Variants in PRKAR1B observed in about 807,000 individuals in gnomAD.
PRKAR1B encodes the protein cAMP-dependent protein kinase type I-beta regulatory subunit.
In PRKAR1B, 22 loss-of-function variants were observed where a neutral mutation model predicts 46.5. The ratio of observed to expected loss-of-function variants is 0.47; its 90% CI spans 0.34 to 0.68. The LOEUF (loss-of-function observed/expected upper bound fraction) is 0.68, where lower values mean the gene tolerates loss of function less well. Among genes scored for constraint, PRKAR1B ranks in the 30% least tolerant of loss-of-function variants. PRKAR1B has a pLI of 0.01. For missense variants in PRKAR1B, 445 were observed against 535.6 expected, an observed-to-expected ratio of 0.83 and a Z score of 1.67; for synonymous variants, 259 against 217.7, an observed-to-expected ratio of 1.19 and a Z score of -1.67.
intron 9 of PRKAR1B, among the ~76,000 whole-genome samples, chr7:577,336 G>A (rs549671817): frequency 8.8e-4 from 134 of 152,282 alleles, no homozygotes; most frequent in Non-Finnish European, 1.4e-3. Flanking sequence ...CCACAGCTGC[G>A]GGTGTTTCGG....
intron 6 of PRKAR1B, among the ~76,000 whole-genome samples, chr7:599,721 C>T (rs1036892697): frequency 6.6e-6 from 1 of 152,262 alleles, no homozygotes; most frequent in Non-Finnish European, 1.5e-5. Context: ...CACTCGCTCA[C>T]CCTCTGTGTT....
intron 4 of PRKAR1B, among the ~76,000 whole-genome samples, chr7:646,704 G>A (rs1038292718): frequency 4.6e-5 from 7 of 152,198 alleles, no homozygotes; most frequent in Non-Finnish European, 8.8e-5. Context: ...GAAATCACAC[G>A]ATGATGAAAT....
chr7:612,072 T>C (rs377015210), intron 4 of PRKAR1B, among the ~76,000 whole-genome samples: 117 of 149,568 alleles, frequency 7.8e-4, no homozygotes, highest in African/African-American at 2.7e-3. Flanking sequence ...GATGGATGGA[T>C]GGACGGACAG....
chr7:595,405 G>A (rs1336076417), intron 7 of PRKAR1B, among the ~76,000 whole-genome samples: 1 of 152,140 alleles, frequency 6.6e-6, no homozygotes, highest in Non-Finnish European at 1.5e-5. Context: ...TCTGGGGCCG[G>A]GTGTTCACGG....
In PRKAR1B at chr7:550,329, C is replaced by T; in HGVS notation, c.*101G>A. On this transcript the variant is annotated 3_prime_UTR_variant, in exon 11 of 11. Transcript: ENST00000537384. The stretch of plus-strand genomic sequence containing the variant: ...CTCACGCTGCCGGGACCCAGCCCCA[C>T]CCGGCCCACACCTCACACAGCGGCT... 8.9e-7 allele frequency: 1 copy of T among 1,117,362 alleles called. No homozygotes were observed. Among genetic ancestry groups the T allele is most frequent in the South Asian group, 1.5e-5 (1 of 67,960 alleles). The allele number at this position is 1,117,362 out of a possible 1,614,324, so 69.2% of individuals were successfully genotyped here.
chr7:570,806 G>A (rs113547090), intron 9 of PRKAR1B, among the ~76,000 whole-genome samples: 293 of 152,050 alleles, frequency 1.9e-3, no homozygotes, highest in African/African-American at 6.9e-3. Flanking sequence ...TTGGACCGCT[G>A]CCTGCAGCCC....
intron 4 of PRKAR1B, among the ~76,000 whole-genome samples, chr7:634,370 C>T (rs182142617): frequency 1.0e-3 from 155 of 151,942 alleles, no homozygotes; most frequent in African/African-American, 3.6e-3. Flanking sequence ...CTCAGCTACT[C>T]GGGAGGCTAA....
At chr7:639,405 TACTC>T (rs566856757) in intron 4 of PRKAR1B, among the ~76,000 whole-genome samples, 143 of 152,322 alleles carry the variant, frequency 9.4e-4, no homozygotes, top group African/African-American at 2.9e-3. Context: ...CTTGGACACT[TACTC>T]ACTCCTCACA....
rs747877714 is a variant in PRKAR1B at position 667,309 on chromosome 7, T to A, written c.440+9920A>T. Among the ~76,000 whole-genome samples the A allele has an allele frequency of 9.9e-5, 15 of 152,168 alleles. No individual in the cohort carries two copies. Among genetic ancestry groups the A allele is most frequent in the Non-Finnish European group, 1.8e-4 (12 of 68,030 alleles). Reference sequence around the variant, plus strand: ...ATTCTCACAACAACCTCAAAGTAGGTTTTATTATCTTCATTTGACACCTGA... The same window carrying A: ...ATTCTCACAACAACCTCAAAGTAGGATTTATTATCTTCATTTGACACCTGA... On this transcript the variant is annotated intron_variant, in intron 4 of 10. Coordinates refer to ENST00000537384, the MANE Select transcript of PRKAR1B (RefSeq NM_001164760.2). This position sits in a 1 kb window ranked among gnomAD's most constrained non-coding sequence, Gnocchi z 4.3.
chr7:642,490 C>G (rs1450732964), intron 4 of PRKAR1B, among the ~76,000 whole-genome samples: 1 of 152,120 alleles, frequency 6.6e-6, no homozygotes, highest in Non-Finnish European at 1.5e-5. Context: ...CTTTGGGGGG[C>G]CGAGGCGGGC....
rs71016891 is a variant in PRKAR1B at position 620,017 on chromosome 7, C to CTTT, written c.441-12568_441-12566dup. Among the ~76,000 whole-genome samples the CTTT allele has an allele frequency of 6.1e-5, 8 of 130,996 alleles. No individual in the cohort carries two copies. The South Asian group carries it at 8.0e-4, about 13-fold the overall frequency. The allele number at this position is 130,996 out of a possible 152,430, so 85.9% of individuals were successfully genotyped here. A position where few individuals can be genotyped will look rare whatever the true frequency, so the allele number is the denominator to read the frequency against. On this transcript the variant is annotated intron_variant, in intron 4 of 10. Coordinates refer to ENST00000537384, the MANE Select transcript of PRKAR1B (RefSeq NM_001164760.2). ...AGGCACATGCCATCATACCCAGCTA[C>CTTT]TTTTTTTTTTTTTTTTTTTAGAGAT... is the stretch of plus-strand genomic sequence containing the variant.
At chr7:576,440 C>T (rs994329772) in intron 9 of PRKAR1B, among the ~76,000 whole-genome samples, 3 of 152,164 alleles carry the variant, frequency 2.0e-5, no homozygotes, top group Admixed American at 1.3e-4. Flanking sequence ...TAACGGCTCC[C>T]CCGCAAGGAC....
chr7:559,222 C>A (rs1278485648), intron 9 of PRKAR1B, among the ~76,000 whole-genome samples: 1 of 152,158 alleles, frequency 6.6e-6, no homozygotes. Context: ...GCCAGGAGAG[C>A]CGAGAATCAG....
chr7:724,213 C>T (rs1210220709), intron 1 of PRKAR1B, among the ~76,000 whole-genome samples: 1 of 152,166 alleles, frequency 6.6e-6, no homozygotes, highest in Non-Finnish European at 1.5e-5. Flanking sequence ...CGTCTCCCAC[C>T]TCCGCCCTTT....
At position 709,270 on chromosome 7, in the gene PRKAR1B, T is replaced by C. The variant is rs543415218; in HGVS notation, c.177+2059A>G. On this transcript the variant is annotated intron_variant, in intron 2 of 10. Transcript: ENST00000537384. ...AAATACAAAATACGAATTGCATCTA[T>C]AACGTGACTGCAACTAAGACTTATG... 4.0e-5 allele frequency among the ~76,000 whole-genome samples: 6 copies of C among 151,618 alleles called. No homozygotes were observed. In the East Asian group the frequency reaches 1.2e-3, roughly 29 times the overall value.
intron 4 of PRKAR1B, among the ~76,000 whole-genome samples, chr7:609,968 C>A (rs1583298128): frequency 6.6e-6 from 1 of 152,148 alleles, no homozygotes. Flanking sequence ...GTCTCCAACT[C>A]CTGACCTCAA....
In PRKAR1B at chr7:598,599, C is replaced by T. The variant is rs1283373178; in HGVS notation, c.550-2295G>A. Among the ~76,000 whole-genome samples, 3 of 151,806 alleles carry T rather than the reference C, an allele frequency of 2.0e-5. No individual in the cohort carries two copies. The South Asian group carries it at 6.3e-4, about 32-fold the overall frequency. ...CCTCCGCACCAAACACCATCACCCT[C>T]CACACTAAACATCATCACCCTCCCT... On this transcript the variant is annotated intron_variant, in intron 6 of 10. Transcript: ENST00000537384.
chr7:710,438 G>A (rs988819408), intron 2 of PRKAR1B, among the ~76,000 whole-genome samples: 2 of 152,138 alleles, frequency 1.3e-5, no homozygotes, highest in Non-Finnish European at 1.5e-5. Context: ...TCCCAGGCAC[G>A]CACGTCTACG....
In PRKAR1B at chr7:667,742, T is replaced by C. The variant is rs1443596355; in HGVS notation, c.440+9487A>G. Among the ~76,000 whole-genome samples the C allele has an allele frequency of 6.6e-6, 1 of 151,768 alleles. No individual in the cohort carries two copies. Among genetic ancestry groups the C allele is most frequent in the Non-Finnish European group, 1.5e-5 (1 of 67,936 alleles). Reference sequence around the variant, plus strand: ...AAACCCTAGCTCTGCTCCTGAGGAGTTGTGGGGCCTTGGACAAGGACAGGG... The same window carrying C: ...AAACCCTAGCTCTGCTCCTGAGGAGCTGTGGGGCCTTGGACAAGGACAGGG... On this transcript the variant is annotated intron_variant, in intron 4 of 10. Coordinates refer to ENST00000537384, the MANE Select transcript of PRKAR1B (RefSeq NM_001164760.2). The surrounding 1 kb of genome is among the most constrained non-coding windows in gnomAD (Gnocchi z 4.3).
Sources: gnomAD v4.1 joint callset for allele counts (sites outside exome capture counted in the v4.1 genomes callset) on GRCh38, gnomAD v4.1.1 for gene constraint, Gnocchi (gnomAD v3.1) non-coding constraint, MANE v1.5 for transcripts, NCBI Gene and HGNC (gene_info 2026-07-23, HGNC 2026-07-21) for gene names.